The following MAN1A2 variants were observed in gnomAD, a reference collection of about 807,000 sequenced individuals.
The protein encoded by MAN1A2 is mannosyl-oligosaccharide 1,2-alpha-mannosidase IB.
In MAN1A2, 26 loss-of-function variants were observed where a neutral mutation model predicts 75.7. That is an observed-to-expected ratio of 0.34 (90% confidence interval 0.25 to 0.48). The LOEUF (loss-of-function observed/expected upper bound fraction) is 0.48. MAN1A2 is among the 20% of genes least tolerant of loss of function. The pLI is 0.99. For synonymous variants in MAN1A2, 247 were observed against 264.6 expected, an observed-to-expected ratio of 0.93 and a Z score of 0.65; for missense variants, 562 against 775.5, an observed-to-expected ratio of 0.72 and a Z score of 3.27.
At chr1:117,421,841 A>G (rs1001824240) in intron 5 of MAN1A2, among the ~76,000 whole-genome samples, 10 of 152,140 alleles carry the variant, frequency 6.6e-5, no homozygotes, top group African/African-American at 2.4e-4. Context: ...TTTAGTATGT[A>G]TTAGAATCAC....
At chr1:117,489,964 G>A (rs983953270) in intron 8 of MAN1A2, among the ~76,000 whole-genome samples, 2 of 151,380 alleles carry the variant, frequency 1.3e-5, no homozygotes, top group African/African-American at 2.4e-5. Flanking sequence ...GCAGAGAGGA[G>A]GATGTCAGTT....
rs3050979 is a variant in MAN1A2, at chr1:117,512,750, T to TACACACACACACACACACACACAC, written c.1793+9791_1793+9814dup. 1.2e-3 allele frequency among the ~76,000 whole-genome samples: 174 copies of TACACACACACACACACACACACAC among 143,846 alleles called. 2 individuals are homozygous for TACACACACACACACACACACACAC. The highest frequency in any genetic ancestry group is 8.7e-3 in the Admixed American group (124 of 14,176). 94.4% of individuals were successfully genotyped at this position (143,846 alleles called of 152,430 possible). A position where few individuals can be genotyped will look rare whatever the true frequency, so the allele number is the denominator to read the frequency against. ...GCAATCTAAATATTAGGCACTGGGA[T>TACACACACACACACACACACACAC]ACACACACACACACACACACACACA... On this transcript the variant is annotated intron_variant, in intron 12 of 12. Coordinates refer to ENST00000356554, the MANE Select transcript of MAN1A2 (RefSeq NM_006699.5).
At chr1:117,399,962 T>TTA (rs1466009714) in intron 1 of MAN1A2, among the ~76,000 whole-genome samples, 2 of 152,210 alleles carry the variant, frequency 1.3e-5, no homozygotes, top group East Asian at 3.9e-4. Flanking sequence ...TTCTCTGGGG[T>TTA]TAGTAGTACC....
chr1:117,420,749 G>A, intron 5 of MAN1A2, 100 bp downstream of exon 5: 1 of 865,784 alleles, frequency 1.2e-6, no homozygotes, highest in Non-Finnish European at 1.9e-6. Flanking sequence ...TTCTAAATTG[G>A]TAATATTGAA....
At chr1:117,414,899 G>C (rs1218952936) in intron 4 of MAN1A2, 68 bp downstream of exon 4, 1 of 947,590 alleles carries the variant, frequency 1.1e-6, no homozygotes, top group Admixed American at 1.8e-5. Context: ...AACTGCTATG[G>C]TCTGAACATT....
chr1:117,505,308 T>G (rs1651323337), intron 12 of MAN1A2, among the ~76,000 whole-genome samples: 1 of 151,274 alleles, frequency 6.6e-6, no homozygotes, highest in East Asian at 1.9e-4. Flanking sequence ...TTGGAGCACT[T>G]TAGTACATGC....
At position 117,528,872 on chromosome 1, in the gene MAN1A2, A is replaced by G. The variant is rs1273413646; in HGVS notation, c.*5915A>G. On this transcript the variant is annotated 3_prime_UTR_variant, in exon 13 of 13. Coordinates refer to ENST00000356554, the MANE Select transcript of MAN1A2 (RefSeq NM_006699.5). Reference sequence around the variant, plus strand: ...AAATAAAGATGTTCTTTAAGTGAAAATTCTTTGTTTAGCCTTCATTTTTAC... The same window carrying G: ...AAATAAAGATGTTCTTTAAGTGAAAGTTCTTTGTTTAGCCTTCATTTTTAC... 6.6e-6 allele frequency: 1 copy of G among 152,090 alleles called. No homozygotes were observed. Among genetic ancestry groups the G allele is most frequent in the African/African-American group, 2.4e-5 (1 of 41,424 alleles). The allele number at this position is 152,090 out of a possible 1,614,324, so 9.4% of individuals were successfully genotyped here.
intron 5 of MAN1A2, among the ~76,000 whole-genome samples, chr1:117,431,140 A>C (rs1362130936): frequency 8.3e-6 from 1 of 120,820 alleles, no homozygotes; most frequent in African/African-American, 3.1e-5. Flanking sequence ...GTGAGCCGAG[A>C]TGGCAGCAGT....
chr1:117,405,498 AAC>A (rs746732485), intron 2 of MAN1A2, 49 bp from the exon 3 acceptor site: 6 of 1,141,344 alleles, frequency 5.3e-6, no homozygotes, highest in East Asian at 2.3e-5. Flanking sequence ...GAAATAAAAA[AAC>A]AGTTTGTGAA....
chr1:117,411,164 T>C (rs1274671052), intron 3 of MAN1A2, among the ~76,000 whole-genome samples: 1 of 151,642 alleles, frequency 6.6e-6, no homozygotes, highest in African/African-American at 2.4e-5. Flanking sequence ...AAAAACCAAG[T>C]TGAAGGATTT....
intron 8 of MAN1A2, among the ~76,000 whole-genome samples, chr1:117,474,209 A>G (rs1650247684): frequency 6.6e-6 from 1 of 151,984 alleles, no homozygotes; most frequent in Non-Finnish European, 1.5e-5. Context: ...ATATATATGT[A>G]TACTTTTCTC....
At chr1:117,514,373 A>G (rs79846676) in intron 12 of MAN1A2, among the ~76,000 whole-genome samples, 2 of 151,432 alleles carry the variant, frequency 1.3e-5, no homozygotes, top group African/African-American at 2.4e-5. Flanking sequence ...AAAAAAAAAA[A>G]AAGAAGAAAA....
chr1:117,387,235 A>C (rs1210601464), intron 1 of MAN1A2, among the ~76,000 whole-genome samples: 4 of 148,150 alleles, frequency 2.7e-5, no homozygotes, highest in Non-Finnish European at 4.5e-5. Flanking sequence ...AAAAAAAAAA[A>C]CAAAGTAACA....
intron 8 of MAN1A2, among the ~76,000 whole-genome samples, chr1:117,474,063 A>G (rs1225721726): frequency 6.6e-6 from 1 of 152,030 alleles, no homozygotes; most frequent in African/African-American, 2.4e-5. Flanking sequence ...GGGCTGACCC[A>G]CAGTTGATGT....
At chr1:117,411,199 A>G (rs1441777042) in intron 3 of MAN1A2, among the ~76,000 whole-genome samples, 3 of 151,812 alleles carry the variant, frequency 2.0e-5, no homozygotes, top group Admixed American at 1.3e-4. Context: ...TATAAATTAC[A>G]GTAAAGCTAC....
chr1:117,453,639 A>G (rs1342824550), intron 6 of MAN1A2, among the ~76,000 whole-genome samples: 1 of 152,188 alleles, frequency 6.6e-6, no homozygotes, highest in East Asian at 1.9e-4. Context: ...GTTTCTTGAG[A>G]TGGAATCTAT....
chr1:117,387,216 T>TAAAAAA (rs565416366), intron 1 of MAN1A2, among the ~76,000 whole-genome samples: 5 of 125,544 alleles, frequency 4.0e-5, no homozygotes, highest in Admixed American at 8.2e-5. Context: ...ATGGCTGTTG[T>TAAAAAA]AAAAAAAAAA....
At chr1:117,484,745 A>G (rs1429470661) in intron 8 of MAN1A2, among the ~76,000 whole-genome samples, 1 of 151,968 alleles carries the variant, frequency 6.6e-6, no homozygotes, top group East Asian at 1.9e-4. Context: ...CAATGGCACC[A>G]TGTATGTCTG....
At chr1:117,498,720 G>C (rs1021876004) in intron 10 of MAN1A2, among the ~76,000 whole-genome samples, 1 of 151,770 alleles carries the variant, frequency 6.6e-6, no homozygotes, top group African/African-American at 2.4e-5. Context: ...GTTTTTACTT[G>C]TCTTTAATCT....
Sources: allele counts gnomAD v4.1 joint callset (sites outside exome capture counted in the v4.1 genomes callset), GRCh38; gene constraint gnomAD v4.1.1; transcripts MANE v1.5; gene names NCBI Gene and HGNC (gene_info 2026-07-23, HGNC 2026-07-21).